ALDH7A1: variants seen among roughly 807,000 people sequenced by gnomAD.
ALDH7A1 encodes alpha-aminoadipic semialdehyde dehydrogenase.
ALDH7A1 carries 63 observed loss-of-function variants against 79.9 expected under a neutral mutation model. That is an observed-to-expected ratio of 0.79 (90% CI 0.64 to 0.97). The LOEUF is 0.97. Among genes scored for constraint, ALDH7A1 ranks in the 50% least tolerant of loss-of-function variants. The pLI, the probability that ALDH7A1 is intolerant of heterozygous loss-of-function variation, is 0.00. For synonymous variants in ALDH7A1, 240 were observed against 231.2 expected (o/e 1.04, Z -0.34); for missense variants, 627 against 665.2 (o/e 0.94, Z 0.63).
chr5:126,568,181 GA>G (rs1328334909), intron 9 of ALDH7A1, 77 bp downstream of exon 9: 1 of 1,432,548 alleles, frequency 7.0e-7, no homozygotes, highest in Non-Finnish European at 9.8e-7. Context: ...AGGTTGAGGG[GA>G]AAACAAAAAC....
At chr5:126,566,485 T>A (rs1750588619) in intron 9 of ALDH7A1, among the ~76,000 whole-genome samples, 1 of 152,190 alleles carries the variant, frequency 6.6e-6, no homozygotes, top group South Asian at 2.1e-4. Context: ...AATTCCTTTT[T>A]AAAAGCAATG....
intron 5 of ALDH7A1, among the ~76,000 whole-genome samples, chr5:126,577,560 T>A (rs1449026844): frequency 6.6e-6 from 1 of 152,046 alleles, no homozygotes; most frequent in Non-Finnish European, 1.5e-5. Flanking sequence ...GCACAGGGGC[T>A]TAGGCCCATG....
chr5:126,574,901 G>T (rs896171306), intron 7 of ALDH7A1, among the ~76,000 whole-genome samples: 1 of 152,064 alleles, frequency 6.6e-6, no homozygotes, highest in African/African-American at 2.4e-5. Flanking sequence ...CAGTCACATT[G>T]CTTTTATGAC....
At chr5:126,566,923 T>C (rs968684031) in intron 9 of ALDH7A1, among the ~76,000 whole-genome samples, 1 of 152,204 alleles carries the variant, frequency 6.6e-6, no homozygotes, top group African/African-American at 2.4e-5. Context: ...AAAAGTAAAG[T>C]AGAGCTTCCT....
At position 126,555,852 on chromosome 5, in the gene ALDH7A1, T is replaced by A. The variant is rs1340443427; in HGVS notation, c.1093+79A>T. The A allele has an allele frequency of 2.5e-6, 3 of 1,214,438 alleles. No homozygotes were observed. In the Admixed American group the frequency reaches 5.2e-5, roughly 21 times the overall value. 75.2% of individuals were successfully genotyped at this position (1,214,438 alleles called of 1,614,324 possible). A position where few individuals can be genotyped will look rare whatever the true frequency, so the allele number is the denominator to read the frequency against. ...CGCCTCTCAGGAAAGGGAAAGAAAC[T>A]CCAAAACTCAGATCAGAAACACTTG... On this transcript the variant is annotated intron_variant, in intron 12 of 17. Transcript: ENST00000409134.
chr5:126,566,825 C>G (rs969022291), intron 9 of ALDH7A1, among the ~76,000 whole-genome samples: 5 of 152,176 alleles, frequency 3.3e-5, no homozygotes, highest in African/African-American at 1.2e-4. Flanking sequence ...TAAATGATGA[C>G]ATTTTTCTCA....
chr5:126,548,191 C>G (rs962279958), intron 16 of ALDH7A1, among the ~76,000 whole-genome samples: 3 of 152,098 alleles, frequency 2.0e-5, no homozygotes, highest in South Asian at 2.1e-4. Context: ...ACTCTGTCAC[C>G]CAGGCTGAAG....
chr5:126,575,148 C>T (rs1750922510), intron 7 of ALDH7A1, among the ~76,000 whole-genome samples: 1 of 152,136 alleles, frequency 6.6e-6, no homozygotes, highest in Non-Finnish European at 1.5e-5. Flanking sequence ...TTTTCCTTTC[C>T]ACTGAAGATG....
chr5:126,593,123 A>G (rs567614625), intron 2 of ALDH7A1, among the ~76,000 whole-genome samples: 2 of 152,062 alleles, frequency 1.3e-5, no homozygotes, highest in African/African-American at 2.4e-5. Flanking sequence ...CACCTTTTCT[A>G]TGGTTCTTTC....
intron 9 of ALDH7A1, among the ~76,000 whole-genome samples, chr5:126,567,102 C>T (rs1750608809): frequency 6.6e-6 from 1 of 152,164 alleles, no homozygotes; most frequent in Non-Finnish European, 1.5e-5. Context: ...GTGTTTTTAC[C>T]TTTCTCAGCA....
intron 16 of ALDH7A1, 89 bp from the exon 17 acceptor site, chr5:126,546,488 A>G (rs1466977095): frequency 8.7e-7 from 1 of 1,144,684 alleles, no homozygotes; most frequent in Non-Finnish European, 1.3e-6. Flanking sequence ...TACCAAAAGG[A>G]CACCAGAACA....
intron 11 of ALDH7A1, among the ~76,000 whole-genome samples, chr5:126,556,790 G>C (rs942030700): frequency 3.3e-5 from 5 of 152,134 alleles, no homozygotes; most frequent in African/African-American, 1.2e-4. Flanking sequence ...TCAGGTCCAT[G>C]CTATGCTCCA....
At chr5:126,547,133 T>C (rs4240406) in intron 16 of ALDH7A1, among the ~76,000 whole-genome samples, 77,320 of 152,046 alleles carry the variant, frequency 0.51, 21,221 homozygotes, top group Admixed American at 0.63. Flanking sequence ...GCAGAGGCTC[T>C]AAGGAACCAA....
intron 16 of ALDH7A1, chr5:126,549,653 C>T (rs947021278): frequency 2.2e-5 from 8 of 371,828 alleles, no homozygotes; most frequent in African/African-American, 1.4e-4. Context: ...GGTCTGGAAA[C>T]TTCTCCCCAG....
chr5:126,561,361 TAAC>T (rs1750397286), intron 9 of ALDH7A1: 1 of 303,434 alleles, frequency 3.3e-6, no homozygotes, highest in Non-Finnish European at 6.0e-6. Flanking sequence ...CTGATTTTAG[TAAC>T]TACTGTGGTT....
intron 5 of ALDH7A1, among the ~76,000 whole-genome samples, chr5:126,577,776 G>C (rs1012621272): frequency 6.6e-6 from 1 of 151,676 alleles, no homozygotes; most frequent in Non-Finnish European, 1.5e-5. Flanking sequence ...ACGTTGCCCA[G>C]GCTGGTCTCA....
At chr5:126,557,036 T>A (rs779183780) in intron 11 of ALDH7A1, among the ~76,000 whole-genome samples, 1 of 152,068 alleles carries the variant, frequency 6.6e-6, no homozygotes, top group Non-Finnish European at 1.5e-5. Context: ...ATGAAAAAAA[T>A]AAAAATTGGC....
chr5:126,561,077 C>T lies in ALDH7A1; in HGVS notation c.913+6G>A, dbSNP rs776351988. The T allele has an allele frequency of 3.1e-6, 5 of 1,613,192 alleles. No individual in the cohort carries two copies. The highest frequency in any genetic ancestry group is 2.7e-5 in the African/African-American group (2 of 74,896). ...AAAACAAACAAAAACAAAGAGGCAG[C>T]CTTACCAATAATGGCATTGTTTCCT... On this transcript the variant is annotated splice_donor_region_variant and intron_variant, in intron 10 of 17. Transcript: ENST00000409134.
intron 11 of ALDH7A1, among the ~76,000 whole-genome samples, chr5:126,558,165 TCA>T (rs1750268890): frequency 7.2e-5 from 1 of 13,958 alleles, no homozygotes; most frequent in African/African-American, 2.7e-4. Flanking sequence ...AGACTCCAAC[TCA>T]AAAAAAAAAA....
Sources: gnomAD v4.1 joint callset for allele counts (sites outside exome capture counted in the v4.1 genomes callset) on GRCh38, gnomAD v4.1.1 for gene constraint, MANE v1.5 for transcripts, NCBI Gene and HGNC (gene_info 2026-07-23, HGNC 2026-07-21) for gene names.